The following RGS5 variants were observed in gnomAD, a reference collection of about 807,000 sequenced individuals.
The protein encoded by RGS5 is regulator of G protein signaling 5, also known as regulator of G-protein signalling 5.
A neutral mutation model predicts 18.9 loss-of-function variants in RGS5; 20 were observed. That is an observed-to-expected ratio of 1.06 (90% CI 0.74 to 1.54). The LOEUF is 1.54. RGS5 is among the 40% of genes most tolerant of loss of function. RGS5 has a pLI of 0.00. For synonymous variants in RGS5, 57 were observed against 76.2 expected (o/e 0.75, Z 1.31); for missense variants, 201 against 211.8 (o/e 0.95, Z 0.32).
intron 2 of RGS5, among the ~76,000 whole-genome samples, chr1:163,166,577 T>C (rs1462193276): frequency 5.9e-5 from 9 of 152,222 alleles, no homozygotes; most frequent in African/African-American, 1.9e-4. Context: ...ATGGGGTCTG[T>C]GGATTCAGAA....
Position 163,189,554 on chromosome 1 carries a change from T to C in RGS5, c.44+13238A>G, listed in dbSNP as rs1034277232. ...GGGTCTTAATACAACACTGTCAAAG[T>C]TGGTGTGGGTCAAAGTGATCTCTGG... On this transcript the variant is annotated intron_variant, in intron 1 of 4. Transcript: ENST00000313961. Among the ~76,000 whole-genome samples the C allele has an allele frequency of 5.3e-5, 8 of 152,128 alleles. 1 individual carries two copies. Among genetic ancestry groups the C allele is most frequent in the Admixed American group, 3.9e-4 (6 of 15,274 alleles).
chr1:163,292,587 T>A (rs1407139119), intron 2 of RGS5, among the ~76,000 whole-genome samples: 3 of 152,176 alleles, frequency 2.0e-5, no homozygotes, highest in African/African-American at 7.2e-5. Flanking sequence ...CTTTAAGAAG[T>A]CACCACACTG....
intron 2 of RGS5, among the ~76,000 whole-genome samples, chr1:163,297,349 T>G (rs1473392488): frequency 6.6e-6 from 1 of 152,182 alleles, no homozygotes; most frequent in South Asian, 2.1e-4. Context: ...AGTCCAGTGA[T>G]AGCTGGACAC....
intron 1 of RGS5, among the ~76,000 whole-genome samples, chr1:163,181,730 C>T (rs1366136775): frequency 2.6e-5 from 4 of 151,848 alleles, no homozygotes; most frequent in South Asian, 2.1e-4. Flanking sequence ...CCTTGGTCTC[C>T]CCAAGGAAGA....
chr1:163,172,708 T>G, intron 1 of RGS5: 1 of 1,179,990 alleles, frequency 8.5e-7, no homozygotes, highest in Non-Finnish European at 1.2e-6. Context: ...TAAGAGTATT[T>G]AAGTTGTGAA....
chr1:163,187,173 G>T (rs1301749121), intron 1 of RGS5, among the ~76,000 whole-genome samples: 1 of 152,168 alleles, frequency 6.6e-6, no homozygotes, highest in Non-Finnish European at 1.5e-5. Flanking sequence ...GGAGATAAAA[G>T]CTGAGCTATA....
intron 2 of RGS5, among the ~76,000 whole-genome samples, chr1:163,286,987 A>T (rs1182666079): frequency 6.6e-6 from 1 of 152,156 alleles, no homozygotes; most frequent in Non-Finnish European, 1.5e-5. Flanking sequence ...TCTGAGAAAG[A>T]TAAAAGCTTA....
intron 2 of RGS5, among the ~76,000 whole-genome samples, chr1:163,164,084 G>A (rs1233162718): frequency 2.6e-5 from 4 of 152,106 alleles, no homozygotes. Context: ...GGTGAAATTG[G>A]TCCAAATTGA....
chr1:163,193,107 C>A (rs1302112999), intron 1 of RGS5, among the ~76,000 whole-genome samples: 2 of 152,108 alleles, frequency 1.3e-5, no homozygotes, highest in African/African-American at 4.8e-5. Context: ...TTTACAAGTA[C>A]TTTATTTCGT....
chr1:163,316,874 AAGG>A (rs1374229477), intron 1 of RGS5, among the ~76,000 whole-genome samples: 2 of 152,174 alleles, frequency 1.3e-5, no homozygotes, highest in African/African-American at 4.8e-5. Context: ...CATGTCTCAA[AAGG>A]AGTTCAGTTC....
intron 2 of RGS5, among the ~76,000 whole-genome samples, chr1:163,238,198 TCTTA>T (rs1647680798): frequency 6.6e-6 from 1 of 152,328 alleles, no homozygotes; most frequent in Middle Eastern, 3.4e-3. Flanking sequence ...GATAAAATAC[TCTTA>T]CTAATTAAAT....
At chr1:163,205,868 T>G (rs117337662), upstream of RGS5, among the ~76,000 whole-genome samples, 1 of 152,342 alleles carries the variant, frequency 6.6e-6, no homozygotes, top group East Asian at 1.9e-4. Context: ...ATATATTTAT[T>G]GAGATGCATT....
At chr1:163,232,115 G>A (rs911347956) in intron 2 of RGS5, among the ~76,000 whole-genome samples, 1 of 152,072 alleles carries the variant, frequency 6.6e-6, no homozygotes, top group Admixed American at 6.6e-5. Flanking sequence ...CAAAGATGGC[G>A]GGGGTGGGGA....
chr1:163,226,349 A>G (rs1647335473), intron 2 of RGS5, among the ~76,000 whole-genome samples: 1 of 152,242 alleles, frequency 6.6e-6, no homozygotes, highest in Admixed American at 6.5e-5. Context: ...CTAGGGTAGA[A>G]ACTGCAGGAA....
chr1:163,162,491 G>A (rs1367725832), intron 2 of RGS5, among the ~76,000 whole-genome samples: 1 of 151,994 alleles, frequency 6.6e-6, no homozygotes, highest in Non-Finnish European at 1.5e-5. Context: ...CTTTCCTTAT[G>A]TTGGGATTGT....
chr1:163,256,038 T>C (rs1648262736), intron 2 of RGS5, among the ~76,000 whole-genome samples: 1 of 152,100 alleles, frequency 6.6e-6, no homozygotes, highest in South Asian at 2.1e-4. Context: ...GCATTCCCTT[T>C]GAAAACTGGT....
intron 1 of RGS5, among the ~76,000 whole-genome samples, chr1:163,309,100 A>G (rs1379073671): frequency 6.6e-6 from 1 of 152,172 alleles, no homozygotes; most frequent in Admixed American, 6.5e-5. Flanking sequence ...CTGTAATCCC[A>G]GCACTTTGGG....
chr1:163,303,580 C>G (rs17358422), intron 2 of RGS5, among the ~76,000 whole-genome samples: 32,369 of 152,156 alleles, frequency 0.21, 3,678 homozygotes, highest in African/African-American at 0.3. Context: ...TATACTTAAA[C>G]TGTACTTCTG....
intron 2 of RGS5, among the ~76,000 whole-genome samples, chr1:163,165,377 A>C (rs1553213694): frequency 6.6e-6 from 1 of 152,246 alleles, no homozygotes; most frequent in Non-Finnish European, 1.5e-5. Context: ...AGCTATATGA[A>C]TATCTATATC....
Sources: gnomAD v4.1 joint callset for allele counts (sites outside exome capture counted in the v4.1 genomes callset) on GRCh38, gnomAD v4.1.1 for gene constraint, MANE v1.5 for transcripts, NCBI Gene and HGNC (gene_info 2026-07-23, HGNC 2026-07-21) for gene names.